Variants in IMPACT observed in about 807,000 individuals in gnomAD.
The protein encoded by IMPACT is impact RWD domain protein.
In IMPACT, 35 loss-of-function variants were observed where a neutral mutation model predicts 47.5. The observed-to-expected ratio is 0.74, with a 90% CI of 0.56 to 0.98. IMPACT has a LOEUF of 0.98. Ranked by LOEUF, IMPACT falls within the 50% of genes least tolerant of loss-of-function variation. The probability of loss-of-function intolerance (pLI) is 0.00; values close to 1 mark genes in which losing one functional copy is unlikely to be tolerated. For synonymous variants in IMPACT, 118 were observed against 125.6 expected, an observed-to-expected ratio of 0.94 and a Z score of 0.40; for missense variants, 373 against 394.8, an observed-to-expected ratio of 0.94 and a Z score of 0.47.
chr18:24,447,592 TGAGAG>T (rs1170875299), intron 8 of IMPACT, among the ~76,000 whole-genome samples: 1 of 152,200 alleles, frequency 6.6e-6, no homozygotes, highest in Non-Finnish European at 1.5e-5. Flanking sequence ...TGGAATAAGA[TGAGAG>T]GAAAGTATAA....
chr18:24,437,850 T>G, intron 4 of IMPACT, 105 bp from the exon 5 acceptor site: 1 of 643,746 alleles, frequency 1.6e-6, no homozygotes, highest in Non-Finnish European at 2.8e-6. Flanking sequence ...AAAGAAATGG[T>G]TAGATTGTTT....
At chr18:24,426,877 C>G (rs1908622164) in intron 1 of IMPACT, 85 bp downstream of exon 1, 1 of 943,770 alleles carries the variant, frequency 1.1e-6, no homozygotes, top group Non-Finnish European at 1.4e-6. Context: ...AGGGGCCCTC[C>G]GCCTGGGGCC....
intron 5 of IMPACT, among the ~76,000 whole-genome samples, chr18:24,439,806 T>G (rs1182452627): frequency 2.0e-5 from 3 of 152,172 alleles, no homozygotes; most frequent in Non-Finnish European, 4.4e-5. Flanking sequence ...AATGAGACTC[T>G]GTGTCAAACA....
intron 4 of IMPACT, among the ~76,000 whole-genome samples, chr18:24,435,186 T>G (rs1424678883): frequency 1.3e-5 from 2 of 152,068 alleles, no homozygotes; most frequent in African/African-American, 4.8e-5. Flanking sequence ...CCCAGACTTG[T>G]CTGAAATTCC....
chr18:24,428,397 C>T (rs675852), intron 2 of IMPACT, among the ~76,000 whole-genome samples: 18,957 of 152,116 alleles, frequency 0.12, 1,477 homozygotes, highest in Non-Finnish European at 0.16. Context: ...GTAGATGACT[C>T]GTAGAGGAGA....
Position 24,428,060 on chromosome 18 carries a change from C to T in IMPACT, c.165+13C>T, listed in dbSNP as rs1313829056. On this transcript the variant is annotated intron_variant, in intron 2 of 10. Coordinates refer to ENST00000284202, the MANE Select transcript of IMPACT (RefSeq NM_018439.4). ...ACTTTGCTTGCAGGTACTTTTTCCCCCTTCCTTGCAGCCATCTTTCAGTTA... is the reference window on the plus strand; with the variant it reads ...ACTTTGCTTGCAGGTACTTTTTCCCTCTTCCTTGCAGCCATCTTTCAGTTA... 6.4e-7 allele frequency: 1 copy of T among 1,564,580 alleles called. No individual in the cohort carries two copies. The highest frequency in any genetic ancestry group is 8.6e-7 in the Non-Finnish European group (1 of 1,162,202).
intron 4 of IMPACT, among the ~76,000 whole-genome samples, chr18:24,433,164 T>A (rs1284391759): frequency 6.9e-6 from 1 of 145,284 alleles, no homozygotes; most frequent in Non-Finnish European, 1.5e-5. Flanking sequence ...TAAATAGAAA[T>A]ACACATCTTA....
intron 6 of IMPACT, among the ~76,000 whole-genome samples, chr18:24,441,217 T>C (rs1909102334): frequency 6.6e-6 from 1 of 152,176 alleles, no homozygotes; most frequent in African/African-American, 2.4e-5. Flanking sequence ...TTTTTTGAGA[T>C]AGAGTCTTGC....
At chr18:24,433,421 G>A (rs1427971076) in intron 4 of IMPACT, among the ~76,000 whole-genome samples, 1 of 147,638 alleles carries the variant, frequency 6.8e-6, no homozygotes, top group African/African-American at 2.5e-5. Context: ...GGATGGTCTC[G>A]ATCTCCTGAC....
intron 2 of IMPACT, 118 bp from the exon 3 acceptor site, chr18:24,428,751 T>G (rs1021572386): frequency 1.7e-5 from 11 of 666,178 alleles, no homozygotes; most frequent in Non-Finnish European, 2.8e-5. Context: ...ATTTCAGTTT[T>G]CCTTTTCCTT....
At chr18:24,429,009 C>T (rs1908683063) in intron 3 of IMPACT, 88 bp downstream of exon 3, 2 of 823,266 alleles carry the variant, frequency 2.4e-6, no homozygotes, top group East Asian at 2.9e-5. Flanking sequence ...CATAAAATAC[C>T]TTTCTTATTA....
chr18:24,445,749 T>C (rs1361430862), intron 8 of IMPACT, among the ~76,000 whole-genome samples: 2 of 152,226 alleles, frequency 1.3e-5, no homozygotes, highest in Admixed American at 6.5e-5. Flanking sequence ...CCTGTTTTTT[T>C]CTTAATTAAA....
rs763380564 is a variant in IMPACT at position 24,452,419 on chromosome 18, ATAAT to A, written c.*1576_*1579del. 5.9e-5 allele frequency: 9 copies of A among 152,144 alleles called. No homozygotes were observed. Among genetic ancestry groups the A allele is most frequent in the East Asian group, 3.8e-4 (2 of 5,202 alleles). 9.4% of individuals were successfully genotyped at this position (152,144 alleles called of 1,614,324 possible). A position where few individuals can be genotyped will look rare whatever the true frequency, so the allele number is the denominator to read the frequency against. On this transcript the variant is annotated 3_prime_UTR_variant, in exon 11 of 11. Coordinates refer to ENST00000284202, the MANE Select transcript of IMPACT (RefSeq NM_018439.4). ...ATAATTTAAAAATTAATTATTTTAC[ATAAT>A]TAAAGAAGTTAAAAACTATTAACAT...
At chr18:24,431,725 G>A (rs1191470921) in intron 4 of IMPACT, among the ~76,000 whole-genome samples, 3 of 149,528 alleles carry the variant, frequency 2.0e-5, no homozygotes, top group Non-Finnish European at 4.5e-5. Flanking sequence ...TTTTTGAGAT[G>A]GAAGCTCACT....
In IMPACT at chr18:24,443,090, C is replaced by A; in HGVS notation, c.532C>A (p.Pro178Thr). The A allele has an allele frequency of 6.2e-7, 1 of 1,606,684 alleles. No homozygotes were observed. The highest frequency in any genetic ancestry group is 8.5e-7 in the Non-Finnish European group (1 of 1,175,058). Residue 178 changes from proline to threonine, a missense_variant, in exon 7 of 11, where the codon CCT (proline) becomes ACT (threonine). Coordinates refer to ENST00000284202, the MANE Select transcript of IMPACT (RefSeq NM_018439.4). ...EELPPIDHGI[P>T]ITDRRSTFQA... Reference sequence around the variant, plus strand: ...ATTACCTCCGATTGATCATGGCATTCCTATTACAGACCGAAGAAGTACTTT... The same window carrying A: ...ATTACCTCCGATTGATCATGGCATTACTATTACAGACCGAAGAAGTACTTT...
intron 1 of IMPACT, chr18:24,427,379 A>G (rs180867126): frequency 1.3e-5 from 2 of 153,222 alleles, no homozygotes; most frequent in East Asian, 3.9e-4. Flanking sequence ...CCCCAAGCCC[A>G]AAGAATAATT....
At chr18:24,429,193 T>C (rs938611497) in intron 3 of IMPACT, among the ~76,000 whole-genome samples, 7 of 152,176 alleles carry the variant, frequency 4.6e-5, no homozygotes, top group African/African-American at 7.2e-5. Context: ...AACCTTCCTC[T>C]TTAGCCTAGT....
At chr18:24,437,931 T>A in intron 4 of IMPACT, 24 bp from the exon 5 acceptor site, 1 of 1,186,896 alleles carries the variant, frequency 8.4e-7, no homozygotes, top group Non-Finnish European at 1.2e-6. Flanking sequence ...TAACAATTTT[T>A]TTTTTCCCCT....
At chr18:24,431,358 G>C (rs1908753803) in intron 4 of IMPACT, among the ~76,000 whole-genome samples, 1 of 152,088 alleles carries the variant, frequency 6.6e-6, no homozygotes, top group Admixed American at 6.5e-5. Flanking sequence ...AGTGGTAAGA[G>C]ACAGGATGAG....
Sources: gnomAD v4.1 joint callset for allele counts (sites outside exome capture counted in the v4.1 genomes callset) on GRCh38, gnomAD v4.1.1 for gene constraint, MANE v1.5 for transcripts, NCBI Gene and HGNC (gene_info 2026-07-23, HGNC 2026-07-21) for gene names.